Variants in GAGE13 observed in about 807,000 individuals in gnomAD.
GAGE13 encodes G antigen 13.
chrX:49,331,953 G>T (rs2066465019), intron 1 of GAGE13, among the ~76,000 whole-genome samples: 2 of 80,544 alleles, frequency 2.5e-5, no homozygotes, highest in African/African-American at 6.8e-5. Context: ...TGGGGGGATG[G>T]AAGTCCCGAG....
chrX:49,332,023 G>A (rs1473852022), intron 1 of GAGE13, among the ~76,000 whole-genome samples: 2 of 80,513 alleles, frequency 2.5e-5, no homozygotes, highest in Non-Finnish European at 6.3e-5. Context: ...CGGCGGGGGC[G>A]AGGCGGGCGG....
chrX:49,331,870 C>T (rs1407014641), intron 1 of GAGE13, among the ~76,000 whole-genome samples, 181 bp downstream of exon 1: 3 of 77,024 alleles, frequency 3.9e-5, no homozygotes, highest in East Asian at 7.6e-4. Context: ...TGTGAAGGGG[C>T]CTGGACGGGG....
intron 3 of GAGE13, among the ~76,000 whole-genome samples, chrX:49,335,541 G>A (rs2066482727): frequency 3.0e-5 from 3 of 99,011 alleles, no homozygotes; most frequent in Non-Finnish European, 2.2e-5. Flanking sequence ...TGGGACTACA[G>A]GCGCCGGCCA....
At chrX:49,335,075 T>C (rs1356864586) in intron 3 of GAGE13, among the ~76,000 whole-genome samples, 1 of 100,781 alleles carries the variant, frequency 9.9e-6, no homozygotes, top group Admixed American at 1.1e-4. Context: ...CAATTGTTAA[T>C]AGCTTTCGCT....
At position 49,337,734 on chromosome X, in the gene GAGE13, C is replaced by G. The variant is rs1344846554; in HGVS notation, c.332-1102C>G. On this transcript the variant is annotated intron_variant, in intron 4 of 4. Transcript: ENST00000612958. ...ATGTGCACGTTGTGCAGGTTAGTTA[C>G]ATATGTATACATGTGCCATGCTGGT... 5.0e-5 allele frequency among the ~76,000 whole-genome samples: 3 copies of G among 60,304 alleles called. 1 individual carries two copies. Among genetic ancestry groups the G allele is most frequent in the Non-Finnish European group, 1.1e-4 (3 of 27,178 alleles). The allele number at this position is 60,304 out of a possible 115,157, so 52.4% of individuals were successfully genotyped here. A position where few individuals can be genotyped will look rare whatever the true frequency, so the allele number is the denominator to read the frequency against.
chrX:49,331,896 G>T (rs1249540015), intron 1 of GAGE13, among the ~76,000 whole-genome samples: 3 of 79,704 alleles, frequency 3.8e-5, no homozygotes, highest in African/African-American at 1.0e-4. Flanking sequence ...GGTGGGCCGT[G>T]GAGGGGAGGC....
rs1480111100 is a variant in GAGE13, at chrX:49,337,654, A to C, written c.332-1182A>C. On this transcript the variant is annotated intron_variant, in intron 4 of 4. Coordinates refer to ENST00000612958, the MANE Select transcript of GAGE13 (RefSeq NM_001098412.4). ...AACAATTGCTTCTTTTTTTTCTTTT[A>C]TTTATTTATTTATTTATTTATTTAT... is the stretch of plus-strand genomic sequence containing the variant. 2.8e-3 allele frequency among the ~76,000 whole-genome samples: 156 copies of C among 56,596 alleles called. 2 individuals are homozygous for C. The highest frequency in any genetic ancestry group is 8.0e-3 in the African/African-American group (151 of 18,819). The allele number at this position is 56,596 out of a possible 115,157, so 49.1% of individuals were successfully genotyped here.
Position 49,337,681 on chromosome X carries a change from T to G in GAGE13, c.332-1155T>G, listed in dbSNP as rs2066488760. 3.1e-5 allele frequency among the ~76,000 whole-genome samples: 2 copies of G among 64,749 alleles called. 1 individual carries two copies. Among genetic ancestry groups the G allele is most frequent in the Non-Finnish European group, 7.3e-5 (2 of 27,570 alleles). 56.2% of individuals were successfully genotyped at this position (64,749 alleles called of 115,157 possible). Reference sequence around the variant, plus strand: ...TTATTTATTTATTTATTTATTTATTTATTGTTATACTTTAAGTTTTAGGGT... The same window carrying G: ...TTATTTATTTATTTATTTATTTATTGATTGTTATACTTTAAGTTTTAGGGT... On this transcript the variant is annotated intron_variant, in intron 4 of 4. Transcript: ENST00000612958.
At chrX:49,335,127 G>C (rs1304038739) in intron 3 of GAGE13, among the ~76,000 whole-genome samples, 2 of 26,736 alleles carry the variant, frequency 7.5e-5, no homozygotes, top group Non-Finnish European at 1.8e-4. Flanking sequence ...TTACCGTGCT[G>C]CCCACACACT....
rs2066473716 is a variant in GAGE13 at position 49,333,297 on chromosome X, T to G, written c.95T>G (p.Phe32Cys). ...EMIGPMRPEQ[F>C]SDEVEPATPE... ...ACACGTATTCCCCAGCCCGAGCAGT[T>G]CAGTGATGAAGTGGAACCAGCAACA... Residue 32 changes from phenylalanine (F) to cysteine (C), a missense_variant, in exon 3 of 5, where the codon TTC (phenylalanine) becomes TGC (cysteine). Coordinates refer to ENST00000612958, the MANE Select transcript of GAGE13 (RefSeq NM_001098412.4). 1 of 1,123,514 alleles carries G rather than the reference T, an allele frequency of 8.9e-7. No individual in the cohort carries two copies. The highest frequency in any genetic ancestry group is 1.7e-5 in the African/African-American group (1 of 57,175). The allele number at this position is 1,123,514 out of a possible 1,213,427, so 92.6% of individuals were successfully genotyped here.
At chrX:49,335,162 T>G (rs1176545407) in intron 3 of GAGE13, among the ~76,000 whole-genome samples, 3 of 98,099 alleles carry the variant, frequency 3.1e-5, no homozygotes, top group African/African-American at 1.2e-4. Context: ...CACACATACA[T>G]ACGGATATAT....
At chrX:49,331,969 G>A (rs1193253845) in intron 1 of GAGE13, among the ~76,000 whole-genome samples, 4 of 80,405 alleles carry the variant, frequency 5.0e-5, no homozygotes, top group Admixed American at 1.3e-4. Context: ...CCGAGGTGCC[G>A]GGAACCCCCG....
intron 4 of GAGE13, among the ~76,000 whole-genome samples, chrX:49,337,669 T>C (rs2066488651): frequency 1.6e-5 from 1 of 64,321 alleles, no homozygotes; most frequent in South Asian, 8.0e-4. Flanking sequence ...TTTATTTATT[T>C]ATTTATTTAT....
chrX:49,335,547 G>A (rs1263531675), intron 3 of GAGE13, among the ~76,000 whole-genome samples: 8 of 94,980 alleles, frequency 8.4e-5, no homozygotes, highest in East Asian at 6.9e-4. Context: ...TACAGGCGCC[G>A]GCCACTGCGG....
At chrX:49,331,714 G>C (rs1382587846) in intron 1 of GAGE13, 25 bp downstream of exon 1, 1 of 75,480 alleles carries the variant, frequency 1.3e-5, no homozygotes, top group African/African-American at 3.4e-5. Context: ...CAGTCATCCC[G>C]GGGGCTGAAG....
Sources: allele counts gnomAD v4.1 joint callset (sites outside exome capture counted in the v4.1 genomes callset), GRCh38; gene constraint gnomAD v4.1.1; transcripts MANE v1.5; gene names NCBI Gene and HGNC (gene_info 2026-07-23, HGNC 2026-07-21).